The following ATP6V0D2 variants were observed in gnomAD, a reference collection of about 807,000 sequenced individuals.
ATP6V0D2 encodes the protein ATPase H+ transporting V0 subunit d2.
A neutral mutation model predicts 40.0 loss-of-function variants in ATP6V0D2; 40 were observed. The observed-to-expected ratio is 1.00, with a 90% confidence interval of 0.78 to 1.30. The LOEUF (loss-of-function observed/expected upper bound fraction) is 1.30, where lower values mean the gene tolerates loss of function less well. Ranked by LOEUF, ATP6V0D2 falls within the 50% of genes most tolerant of loss-of-function variation. The probability of loss-of-function intolerance (pLI) is 0.00; values close to 1 mark genes in which losing one functional copy is unlikely to be tolerated. For synonymous variants in ATP6V0D2, 179 were observed against 156.3 expected, an observed-to-expected ratio of 1.15 and a Z score of -1.08; for missense variants, 470 against 423.1, an observed-to-expected ratio of 1.11 and a Z score of -0.97.
intron 1 of ATP6V0D2, among the ~76,000 whole-genome samples, chr8:86,105,292 T>C (rs1050136287): frequency 2.6e-5 from 4 of 152,142 alleles, no homozygotes; most frequent in Non-Finnish European, 5.9e-5. Flanking sequence ...TCTGCCTTAT[T>C]GCAAGCTTTT....
rs1000037737 is a variant in ATP6V0D2 at position 86,148,347 on chromosome 8, C to A, written c.640-1765C>A. Among the ~76,000 whole-genome samples, 4 of 152,176 alleles carry A rather than the reference C, an allele frequency of 2.6e-5. No individual in the cohort carries two copies. In the East Asian group the frequency reaches 7.7e-4, roughly 29 times the overall value. On this transcript the variant is annotated intron_variant, in intron 5 of 7. Coordinates refer to ENST00000285393, the MANE Select transcript of ATP6V0D2 (RefSeq NM_152565.1). ...GCCACTCCCTACTTTTCAGCTCACA[C>A]ATAATCTCCATGAGAGCAATCAACA...
intron 2 of ATP6V0D2, among the ~76,000 whole-genome samples, chr8:86,123,443 G>T (rs189526314): frequency 6.9e-4 from 105 of 152,262 alleles, no homozygotes; most frequent in African/African-American, 2.5e-3. Context: ...TTAGGAAGAT[G>T]ATTTTGTTAG....
chr8:86,136,534 T>C (rs1281203806), intron 2 of ATP6V0D2, among the ~76,000 whole-genome samples: 2 of 152,240 alleles, frequency 1.3e-5, no homozygotes, highest in Non-Finnish European at 2.9e-5. Context: ...TCCATTTTAA[T>C]ATCTTTTTGA....
At chr8:86,145,257 GAAAGAA>G (rs541849677) in intron 5 of ATP6V0D2, among the ~76,000 whole-genome samples, 54 of 47,516 alleles carry the variant, frequency 1.1e-3, no homozygotes, top group African/African-American at 1.9e-3. Context: ...GAGAGAGAGA[GAAAGAA>G]AGAAAGAAAG....
intron 2 of ATP6V0D2, among the ~76,000 whole-genome samples, chr8:86,137,910 A>C (rs1047087569): frequency 6.6e-6 from 1 of 152,176 alleles, no homozygotes; most frequent in Non-Finnish European, 1.5e-5. Context: ...ACAGTGTTGC[A>C]GCTATGGTTT....
chr8:86,151,923 TA>T (rs535194988), intron 7 of ATP6V0D2, among the ~76,000 whole-genome samples: 57 of 151,254 alleles, frequency 3.8e-4, no homozygotes, highest in Admixed American at 1.1e-3. Context: ...GTTTCTTTTT[TA>T]AAAAAAAAAT....
intron 2 of ATP6V0D2, among the ~76,000 whole-genome samples, chr8:86,137,071 C>T (rs1818907624): frequency 6.6e-6 from 1 of 151,880 alleles, no homozygotes; most frequent in Non-Finnish European, 1.5e-5. Context: ...CTGGTTTTCT[C>T]TTCCTTCAAG....
At chr8:86,128,560 T>C (rs1337513745) in intron 2 of ATP6V0D2, among the ~76,000 whole-genome samples, 2 of 152,196 alleles carry the variant, frequency 1.3e-5, no homozygotes, top group African/African-American at 4.8e-5. Context: ...AAAGCTGTTA[T>C]CAGTTTTGAC....
intron 2 of ATP6V0D2, among the ~76,000 whole-genome samples, chr8:86,122,156 C>G (rs1333464428): frequency 1.3e-5 from 2 of 152,252 alleles, no homozygotes; most frequent in Non-Finnish European, 2.9e-5. Context: ...CTTCTCATCT[C>G]TTTTGAAACC....
At chr8:86,126,131 T>C (rs1818738409) in intron 2 of ATP6V0D2, among the ~76,000 whole-genome samples, 1 of 148,758 alleles carries the variant, frequency 6.7e-6, no homozygotes, top group Middle Eastern at 3.2e-3. Context: ...GAGACTGGGT[T>C]TTGCCATGTT....
At chr8:86,134,972 G>T (rs1818878472) in intron 2 of ATP6V0D2, among the ~76,000 whole-genome samples, 1 of 147,552 alleles carries the variant, frequency 6.8e-6, no homozygotes, top group Non-Finnish European at 1.5e-5. Context: ...ATATTATTCA[G>T]AAAATGGCAA....
rs113318261 is a variant in ATP6V0D2 at position 86,111,217 on chromosome 8, T to C, written c.131-2492T>C. 5.4e-3 allele frequency among the ~76,000 whole-genome samples: 816 copies of C among 151,456 alleles called. 8 individuals carry two copies. The highest frequency in any genetic ancestry group is 0.019 in the African/African-American group (778 of 41,212). ...TTTTTTAAATGTAGAGACAAGGTCTTGCTTTGTCACCCAGGCTAGAGTACA... is the reference window on the plus strand; with the variant it reads ...TTTTTTAAATGTAGAGACAAGGTCTCGCTTTGTCACCCAGGCTAGAGTACA... On this transcript the variant is annotated intron_variant, in intron 1 of 7. Coordinates refer to ENST00000285393, the MANE Select transcript of ATP6V0D2 (RefSeq NM_152565.1).
intron 1 of ATP6V0D2, among the ~76,000 whole-genome samples, chr8:86,104,967 C>G (rs1251221165): frequency 6.6e-6 from 1 of 152,010 alleles, no homozygotes; most frequent in Admixed American, 6.6e-5. Context: ...AATGTTTTGC[C>G]TTTTCTAGAG....
chr8:86,108,258 C>T lies in ATP6V0D2; in HGVS notation c.131-5451C>T, dbSNP rs552807842. 2.6e-5 allele frequency among the ~76,000 whole-genome samples: 4 copies of T among 152,278 alleles called. No individual in the cohort carries two copies. The South Asian group carries it at 8.3e-4, about 32-fold the overall frequency. On this transcript the variant is annotated intron_variant, in intron 1 of 7. Coordinates refer to ENST00000285393, the MANE Select transcript of ATP6V0D2 (RefSeq NM_152565.1). The stretch of plus-strand genomic sequence containing the variant: ...CCAGGCTCAAGCAATTCTCCCACCT[C>T]AGCTTCCTGAGTATGGGGACCACAG...
intron 2 of ATP6V0D2, among the ~76,000 whole-genome samples, chr8:86,132,607 T>A (rs1818842267): frequency 6.6e-6 from 1 of 152,152 alleles, no homozygotes; most frequent in South Asian, 2.1e-4. Context: ...CTGGTTTATT[T>A]TACTTAACAT....
At chr8:86,111,489 A>G (rs746155923) in intron 1 of ATP6V0D2, among the ~76,000 whole-genome samples, 8 of 152,084 alleles carry the variant, frequency 5.3e-5, no homozygotes, top group Admixed American at 2.6e-4. Flanking sequence ...TCATCCATCA[A>G]TGGGCACTTA....
At chr8:86,113,015 T>C (rs534979369) in intron 1 of ATP6V0D2, among the ~76,000 whole-genome samples, 49 of 152,262 alleles carry the variant, frequency 3.2e-4, no homozygotes, top group African/African-American at 1.1e-3. Context: ...CTACTACTAA[T>C]ACATTTATCT....
At chr8:86,105,912 C>A (rs2130229225) in intron 1 of ATP6V0D2, among the ~76,000 whole-genome samples, 1 of 152,132 alleles carries the variant, frequency 6.6e-6, no homozygotes, top group Admixed American at 6.5e-5. Context: ...CTGTGCCTGG[C>A]TGCCTGTAAA....
At chr8:86,119,324 G>A (rs1818638556) in intron 2 of ATP6V0D2, among the ~76,000 whole-genome samples, 1 of 148,702 alleles carries the variant, frequency 6.7e-6, no homozygotes, top group Non-Finnish European at 1.5e-5. Context: ...CACCCCCCAG[G>A]TTCAAGTAAT....
Sources: gnomAD v4.1 joint callset for allele counts (sites outside exome capture counted in the v4.1 genomes callset) on GRCh38, gnomAD v4.1.1 for gene constraint, MANE v1.5 for transcripts, NCBI Gene and HGNC (gene_info 2026-07-23, HGNC 2026-07-21) for gene names.